LHFPL3: variants seen among roughly 807,000 people sequenced by gnomAD.
The protein encoded by LHFPL3 is LHFPL tetraspan subfamily member 3.
In LHFPL3, 5 loss-of-function variants were observed where a neutral mutation model predicts 19.3. The ratio of observed to expected loss-of-function variants is 0.26; its 90% CI spans 0.14 to 0.54. The LOEUF is 0.54. Ranked by LOEUF, LHFPL3 falls within the 20% of genes least tolerant of loss-of-function variation. The pLI, the probability that LHFPL3 is intolerant of heterozygous loss-of-function variation, is 0.94. For missense variants in LHFPL3, 249 were observed against 307.4 expected (o/e 0.81, Z 1.42); for synonymous variants, 133 against 126.2 (o/e 1.05, Z -0.36).
chr7:104,603,096 TTCTTTC>T (rs1408672387), intron 1 of LHFPL3, among the ~76,000 whole-genome samples: 2 of 138,778 alleles, frequency 1.4e-5, no homozygotes, highest in East Asian at 2.6e-4. Flanking sequence ...CTTTCTTTCT[TTCTTTC>T]TTTCTTTCTT....
At chr7:104,737,280 T>G (rs1249740184) in intron 2 of LHFPL3, among the ~76,000 whole-genome samples, 1 of 152,178 alleles carries the variant, frequency 6.6e-6, no homozygotes, top group Non-Finnish European at 1.5e-5. Context: ...CTCCATGTAT[T>G]CAGCTATGTT....
chr7:104,854,831 A>G (rs1194931562), intron 2 of LHFPL3, among the ~76,000 whole-genome samples: 1 of 152,234 alleles, frequency 6.6e-6, no homozygotes, highest in Non-Finnish European at 1.5e-5. Context: ...TTAAAGAGAG[A>G]GTACAGCACC....
chr7:104,898,538 C>G (rs1314839614), intron 2 of LHFPL3, among the ~76,000 whole-genome samples: 1 of 152,168 alleles, frequency 6.6e-6, no homozygotes, highest in Non-Finnish European at 1.5e-5. Context: ...GGAAGCAAGG[C>G]ACCTCCCAAA....
At chr7:104,578,688 G>A (rs186651866) in intron 1 of LHFPL3, among the ~76,000 whole-genome samples, 1 of 152,160 alleles carries the variant, frequency 6.6e-6, no homozygotes, top group Admixed American at 6.5e-5. Context: ...GTGATAGATT[G>A]TGCTTGACAG....
intron 2 of LHFPL3, among the ~76,000 whole-genome samples, chr7:104,856,276 A>C: frequency 9.1e-6 from 1 of 109,542 alleles, no homozygotes; most frequent in African/African-American, 3.6e-5. Flanking sequence ...TTTGAGACAG[A>C]GTCTTGCTCT....
chr7:104,667,455 G>A (rs542878627), intron 1 of LHFPL3, among the ~76,000 whole-genome samples: 6 of 152,016 alleles, frequency 3.9e-5, no homozygotes, highest in Non-Finnish European at 7.4e-5. Context: ...ACATCCCAGC[G>A]GCCGCTTCTA....
intron 2 of LHFPL3, among the ~76,000 whole-genome samples, chr7:104,775,387 C>A (rs1794621830): frequency 6.6e-6 from 1 of 152,138 alleles, no homozygotes; most frequent in Non-Finnish European, 1.5e-5. Context: ...CAGAGTGAGA[C>A]CCTGTTTCCA....
At chr7:104,336,728 C>T (rs996672608) in intron 1 of LHFPL3, among the ~76,000 whole-genome samples, 20 of 152,202 alleles carry the variant, frequency 1.3e-4, no homozygotes, top group African/African-American at 3.6e-4. Flanking sequence ...TATGTGTGCT[C>T]AACAGGAAGA....
intron 1 of LHFPL3, among the ~76,000 whole-genome samples, chr7:104,547,242 C>CAAAAAAAAAAAAAAAAAAA (rs59524599): frequency 1.0e-4 from 1 of 9,638 alleles, no homozygotes; most frequent in African/African-American, 3.3e-4. Context: ...GACTCCGTCT[C>CAAAAAAAAAAAAAAAAAAA]AAAAAAAAAA....
intron 1 of LHFPL3, among the ~76,000 whole-genome samples, chr7:104,430,455 T>TGTATATATATATA (rs1491561052): frequency 8.8e-5 from 1 of 11,398 alleles, no homozygotes; most frequent in Non-Finnish European, 1.5e-4. Flanking sequence ...TATATATATA[T>TGTATATATATATA]TTTTTTTTTT....
At chr7:104,548,684 A>T (rs1031279114) in intron 1 of LHFPL3, among the ~76,000 whole-genome samples, 1 of 152,182 alleles carries the variant, frequency 6.6e-6, no homozygotes, top group Non-Finnish European at 1.5e-5. Flanking sequence ...CCAACCCTGG[A>T]TTTGTTAGCC....
At chr7:104,594,611 A>G (rs1394581070) in intron 1 of LHFPL3, among the ~76,000 whole-genome samples, 1 of 152,114 alleles carries the variant, frequency 6.6e-6, no homozygotes, top group South Asian at 2.1e-4. Flanking sequence ...AAGTTCTCCT[A>G]GATAATATCC....
chr7:104,747,424 A>C (rs946416367), intron 2 of LHFPL3, among the ~76,000 whole-genome samples: 1 of 152,218 alleles, frequency 6.6e-6, no homozygotes, highest in South Asian at 2.1e-4. Context: ...AACAATAAAG[A>C]CAAGAATCCC....
intron 1 of LHFPL3, among the ~76,000 whole-genome samples, chr7:104,561,702 T>C (rs1790007447): frequency 6.6e-6 from 1 of 152,150 alleles, no homozygotes; most frequent in East Asian, 1.9e-4. Flanking sequence ...AATATTGTTA[T>C]GTGTGAATTT....
At chr7:104,788,142 T>C (rs1789957834) in intron 2 of LHFPL3, among the ~76,000 whole-genome samples, 1 of 152,218 alleles carries the variant, frequency 6.6e-6, no homozygotes, top group Non-Finnish European at 1.5e-5. Context: ...ACATAATTTC[T>C]TTATGAGGAG....
intron 2 of LHFPL3, among the ~76,000 whole-genome samples, chr7:104,739,391 T>A (rs1793889346): frequency 6.6e-6 from 1 of 152,212 alleles, no homozygotes; most frequent in Non-Finnish European, 1.5e-5. Flanking sequence ...AGTAGTTTAG[T>A]AGTGTTCAGG....
At chr7:104,688,536 G>T (rs965802316) in intron 1 of LHFPL3, among the ~76,000 whole-genome samples, 1 of 150,798 alleles carries the variant, frequency 6.6e-6, no homozygotes, top group Non-Finnish European at 1.5e-5. Context: ...AGTCTAAAGA[G>T]ACTTTTTTGC....
intron 1 of LHFPL3, among the ~76,000 whole-genome samples, chr7:104,357,977 A>G (rs866603012): frequency 1.1e-4 from 16 of 152,348 alleles, no homozygotes; most frequent in African/African-American, 3.6e-4. Flanking sequence ...CACAAATCCC[A>G]TAGACAGCCC....
chr7:104,840,595 G>A (rs572204173), intron 2 of LHFPL3, among the ~76,000 whole-genome samples: 56 of 148,078 alleles, frequency 3.8e-4, no homozygotes, highest in South Asian at 1.5e-3. Context: ...CTGGGATTAC[G>A]GGCAGGAGCT....
Sources: gnomAD v4.1 joint callset for allele counts (sites outside exome capture counted in the v4.1 genomes callset) on GRCh38, gnomAD v4.1.1 for gene constraint, MANE v1.5 for transcripts, NCBI Gene and HGNC (gene_info 2026-07-23, HGNC 2026-07-21) for gene names.